Variants in SEMA3F observed in about 807,000 individuals in gnomAD.
The protein encoded by SEMA3F is semaphorin-3F.
A neutral mutation model predicts 98.5 loss-of-function variants in SEMA3F; 30 were observed. That is an observed-to-expected ratio of 0.30 (90% CI 0.23 to 0.41). The LOEUF (loss-of-function observed/expected upper bound fraction) is 0.41. SEMA3F is among the 10% of genes least tolerant of loss of function. The pLI, the probability that SEMA3F is intolerant of heterozygous loss-of-function variation, is 1.00. For synonymous variants in SEMA3F, 380 were observed against 444.8 expected, an observed-to-expected ratio of 0.85 and a Z score of 1.83; for missense variants, 866 against 1,119.3, an observed-to-expected ratio of 0.77 and a Z score of 3.23.
At chr3:50,155,066 C>A (rs527598675), upstream of SEMA3F, 4 of 365,750 alleles carry the variant, frequency 1.1e-5, no homozygotes, top group East Asian at 5.0e-5. The surrounding 1 kb of genome is among the most constrained non-coding windows in gnomAD (Gnocchi z 4.9). Flanking sequence ...CTGAGCGCCC[C>A]GTCCCGCCGG....
chr3:50,185,334 A>G, intron 13 of SEMA3F, 109 bp from the exon 14 acceptor site: 1 of 1,001,258 alleles, frequency 1.0e-6, no homozygotes, highest in Non-Finnish European at 1.5e-6. Flanking sequence ...ACAAAGCTCC[A>G]GCTCCAATGC....
rs767677743 is a variant in SEMA3F at position 50,173,950 on chromosome 3, C to T, written c.270C>T (p.Leu90=). 1.8e-5 allele frequency: 29 copies of T among 1,613,996 alleles called. No homozygotes were observed. Among genetic ancestry groups the T allele is most frequent in the African/African-American group, 1.3e-4 (10 of 74,942 alleles). ...TGCACGACATCAACCGCGAGCCCCT[C>T]ATTGTAAGGGCTGGCCCTGATGTGG... ...LDLHDINREP[L]IIHWAASPQR... The change falls in exon 3 of 19, where the codon CTC becomes CTT. Residue 90 remains leucine, a synonymous_variant. Coordinates refer to ENST00000002829, the MANE Select transcript of SEMA3F (RefSeq NM_004186.5).
At chr3:50,165,165 G>A (rs1402090312) in intron 2 of SEMA3F, among the ~76,000 whole-genome samples, 4 of 152,174 alleles carry the variant, frequency 2.6e-5, no homozygotes, top group Non-Finnish European at 5.9e-5. Flanking sequence ...TCATGGAGGA[G>A]GCTGCATCTT....
intron 11 of SEMA3F, 52 bp from the exon 12 acceptor site, chr3:50,183,368 G>A (rs1699089277): frequency 2.5e-6 from 4 of 1,607,498 alleles, no homozygotes; most frequent in Non-Finnish European, 3.4e-6. Context: ...GTTTGGGGAG[G>A]GGCCCTAGGT....
intron 7 of SEMA3F, among the ~76,000 whole-genome samples, chr3:50,177,277 A>G (rs988277317): frequency 9.2e-5 from 14 of 152,272 alleles, no homozygotes; most frequent in African/African-American, 3.4e-4. Flanking sequence ...CGAAGGACCA[A>G]TGGAGAGTTC....
In SEMA3F at chr3:50,166,121, C is replaced by T. The variant is rs1282243861; in HGVS notation, c.112+6387C>T. ...CTTCCTTCCTTCCTCCCCCTACTCCCCCTTGCCTCCACCCCTCCCTTTGCC... is the reference window on the plus strand; with the variant it reads ...CTTCCTTCCTTCCTCCCCCTACTCCTCCTTGCCTCCACCCCTCCCTTTGCC... On this transcript the variant is annotated intron_variant, in intron 2 of 18. Transcript: ENST00000002829. The surrounding 1 kb of genome is among the most constrained non-coding windows in gnomAD (Gnocchi z 4.7). Among the ~76,000 whole-genome samples, 1 of 152,120 alleles carries T rather than the reference C, an allele frequency of 6.6e-6. No homozygotes were observed. The highest frequency in any genetic ancestry group is 6.5e-5 in the Admixed American group (1 of 15,276).
At chr3:50,159,446 CAG>C (rs1348965821) in intron 1 of SEMA3F, 127 bp from the exon 2 acceptor site, 25 of 575,944 alleles carry the variant, frequency 4.3e-5, no homozygotes, top group African/African-American at 3.0e-4. Context: ...GGTGTGCACA[CAG>C]GGGCATTCAT....
intron 7 of SEMA3F, among the ~76,000 whole-genome samples, chr3:50,180,320 C>A (rs1007667475): frequency 5.9e-5 from 9 of 152,072 alleles, no homozygotes; most frequent in Admixed American, 2.0e-4. Flanking sequence ...CCCACCACCA[C>A]CTCTGGCTAA....
intron 16 of SEMA3F, 98 bp from the exon 17 acceptor site, chr3:50,186,173 ACATCACTGCC>A: frequency 6.9e-7 from 1 of 1,459,164 alleles, no homozygotes; most frequent in Non-Finnish European, 9.4e-7. Context: ...TATGGGTAAG[ACATCACTGCC>A]CTGGGGAAAA....
At chr3:50,163,255 G>A (rs1194640404) in intron 2 of SEMA3F, among the ~76,000 whole-genome samples, 2 of 152,248 alleles carry the variant, frequency 1.3e-5, no homozygotes, top group African/African-American at 2.4e-5. Flanking sequence ...CATGCCCTCT[G>A]TCTGCCGAAG....
rs1289025493 is a variant in SEMA3F at position 50,174,036 on chromosome 3, AC to A, written c.274-10del. ...CATGTCCAGAAGGCTGCACCTTCTG[AC>A]CCCCCTCTCTGCAGATACACTGGGC... On this transcript the variant is annotated splice_polypyrimidine_tract_variant and intron_variant, in intron 3 of 18. Transcript: ENST00000002829. The A allele has an allele frequency of 3.1e-6, 5 of 1,613,758 alleles. No homozygotes were observed. Among genetic ancestry groups the A allele is most frequent in the Non-Finnish European group, 4.2e-6 (5 of 1,179,944 alleles).
Position 50,188,174 on chromosome 3 carries a change from G to GATATAT in SEMA3F, c.*79_*84dup, listed in dbSNP as rs59949761. 20,450 of 297,914 alleles carry GATATAT rather than the reference G, an allele frequency of 0.069. 922 individuals are homozygous for GATATAT. Among genetic ancestry groups the GATATAT allele is most frequent in the Admixed American group, 0.21 (3,794 of 18,478 alleles). 18.5% of individuals were successfully genotyped at this position (297,914 alleles called of 1,614,324 possible). On this transcript the variant is annotated 3_prime_UTR_variant, in exon 19 of 19. Coordinates refer to ENST00000002829, the MANE Select transcript of SEMA3F (RefSeq NM_004186.5). This position sits in a 1 kb window ranked among gnomAD's most constrained non-coding sequence, Gnocchi z 4.5. ...AGCCCTTGTCCCTTTTAATATAAAA[G>GATATAT]ATATATATATATATATATATATATA... is the stretch of plus-strand genomic sequence containing the variant.
chr3:50,178,009 A>G lies in SEMA3F; in HGVS notation c.643+1148A>G, dbSNP rs560279730. 2.6e-5 allele frequency among the ~76,000 whole-genome samples: 4 copies of G among 152,330 alleles called. No homozygotes were observed. In the South Asian group the frequency reaches 8.3e-4, roughly 32 times the overall value. ...ATAATTCCAGCACTTTGGGAGACGGAGGCGGGCGGATCACCTGAGATCAGG... is the reference window on the plus strand; with the variant it reads ...ATAATTCCAGCACTTTGGGAGACGGGGGCGGGCGGATCACCTGAGATCAGG... On this transcript the variant is annotated intron_variant, in intron 7 of 18. Transcript: ENST00000002829.
At chr3:50,164,669 G>A (rs1191052821) in intron 2 of SEMA3F, among the ~76,000 whole-genome samples, 1 of 152,342 alleles carries the variant, frequency 6.6e-6, no homozygotes. Context: ...ACCAGTGTTA[G>A]CTGTGTGAGT....
intron 14 of SEMA3F, 38 bp from the exon 15 acceptor site, chr3:50,185,628 G>C: frequency 6.2e-7 from 1 of 1,613,396 alleles, no homozygotes; most frequent in Non-Finnish European, 8.5e-7. Flanking sequence ...CAGGGAGGGG[G>C]TCCCTGGCAT....
chr3:50,169,617 G>A (rs562380554), intron 2 of SEMA3F, among the ~76,000 whole-genome samples: 1 of 152,286 alleles, frequency 6.6e-6, no homozygotes, highest in African/African-American at 2.4e-5. Flanking sequence ...TATCTGGGCT[G>A]GAGTCCTGAT....
chr3:50,175,900 G>A (rs1266795061), intron 6 of SEMA3F, among the ~76,000 whole-genome samples: 1 of 152,092 alleles, frequency 6.6e-6, no homozygotes, highest in African/African-American at 2.4e-5. Context: ...AGGAAGTCAC[G>A]TGTGCAGTGT....
chr3:50,173,730 A>G (rs986734979), intron 2 of SEMA3F, 63 bp from the exon 3 acceptor site: 26 of 1,462,320 alleles, frequency 1.8e-5, no homozygotes, highest in Non-Finnish European at 2.4e-5. Flanking sequence ...CCCCTTTATC[A>G]GAGGGGGTAT....
chr3:50,155,094 C>T, upstream of SEMA3F: 1 of 406,576 alleles, frequency 2.5e-6, no homozygotes, highest in Non-Finnish European at 4.5e-6. This position sits in a 1 kb window ranked among gnomAD's most constrained non-coding sequence, Gnocchi z 4.9. Context: ...GAGACCAGAG[C>T]GAGCGAACGA....
Sources: gnomAD v4.1 joint callset for allele counts (sites outside exome capture counted in the v4.1 genomes callset) on GRCh38, gnomAD v4.1.1 for gene constraint, Gnocchi (gnomAD v3.1) non-coding constraint, MANE v1.5 for transcripts, NCBI Gene and HGNC (gene_info 2026-07-23, HGNC 2026-07-21) for gene names.